The following RALYL variants were observed in gnomAD, a reference collection of about 807,000 sequenced individuals.
RALYL encodes RNA-binding Raly-like protein.
Under a neutral mutation model 35.1 loss-of-function variants are expected in RALYL, and 29 were observed. The observed-to-expected ratio is 0.83, with a 90% CI of 0.61 to 1.13. The LOEUF is 1.13. RALYL is among the 50% of genes most tolerant of loss of function. The pLI is 0.00. For missense variants in RALYL, 359 were observed against 360.4 expected (o/e 1.00, Z 0.03); for synonymous variants, 120 against 127.6 (o/e 0.94, Z 0.40).
chr8:84,685,968 C>A (rs1016865066), intron 2 of RALYL, among the ~76,000 whole-genome samples: 1 of 151,950 alleles, frequency 6.6e-6, no homozygotes, highest in African/African-American at 2.4e-5. Context: ...TATAAAACAC[C>A]CAGTGAATGG....
chr8:84,371,335 G>A (rs976286048), intron 1 of RALYL, among the ~76,000 whole-genome samples: 4 of 151,984 alleles, frequency 2.6e-5, no homozygotes, highest in South Asian at 2.1e-4. Context: ...AACGTATTTC[G>A]TGATGCACGG....
intron 2 of RALYL, among the ~76,000 whole-genome samples, chr8:84,588,622 C>A (rs903210496): frequency 6.6e-6 from 1 of 152,096 alleles, no homozygotes; most frequent in African/African-American, 2.4e-5. Context: ...AGAATTAGTA[C>A]ATAAGACTTT....
chr8:84,682,449 G>A (rs1393312498), intron 2 of RALYL, among the ~76,000 whole-genome samples: 1 of 152,080 alleles, frequency 6.6e-6, no homozygotes, highest in Non-Finnish European at 1.5e-5. Flanking sequence ...GGTAGAATTC[G>A]GCTGCGAATC....
chr8:84,211,475 A>G (rs1819476438), intron 1 of RALYL, among the ~76,000 whole-genome samples: 1 of 152,166 alleles, frequency 6.6e-6, no homozygotes, highest in African/African-American at 2.4e-5. Context: ...TAATGTAATT[A>G]GATCCAGCAC....
chr8:84,371,495 A>G (rs764739152), intron 1 of RALYL, among the ~76,000 whole-genome samples: 2 of 151,446 alleles, frequency 1.3e-5, no homozygotes, highest in Non-Finnish European at 2.9e-5. Context: ...TGTTTAACCT[A>G]TGGAGCACAA....
chr8:84,533,201 A>G (rs1366918403), intron 2 of RALYL, among the ~76,000 whole-genome samples: 1 of 152,116 alleles, frequency 6.6e-6, no homozygotes, highest in Non-Finnish European at 1.5e-5. Context: ...TCCTCTTAAT[A>G]TTTAATTGAG....
intron 1 of RALYL, among the ~76,000 whole-genome samples, chr8:84,463,946 T>C (rs534968160): frequency 6.6e-6 from 1 of 152,118 alleles, no homozygotes; most frequent in Non-Finnish European, 1.5e-5. Context: ...CCCTATAGTT[T>C]CGCCTTTTCT....
intron 1 of RALYL, among the ~76,000 whole-genome samples, chr8:84,300,450 A>C (rs977660001): frequency 2.6e-5 from 4 of 152,036 alleles, no homozygotes; most frequent in African/African-American, 9.7e-5. Context: ...GATTTCTGTT[A>C]GGTCCATTTG....
At chr8:84,639,729 G>A (rs186525924) in intron 2 of RALYL, among the ~76,000 whole-genome samples, 8 of 152,006 alleles carry the variant, frequency 5.3e-5, no homozygotes, top group African/African-American at 1.9e-4. Context: ...CATACACCTT[G>A]GTGGAATCCT....
At chr8:84,789,400 T>A (rs765658823) in intron 3 of RALYL, among the ~76,000 whole-genome samples, 1 of 152,242 alleles carries the variant, frequency 6.6e-6, no homozygotes, top group Non-Finnish European at 1.5e-5. Context: ...AAGACACTTA[T>A]GATACTGTGA....
intron 1 of RALYL, among the ~76,000 whole-genome samples, chr8:84,276,417 C>T (rs1427168084): frequency 6.6e-6 from 1 of 152,152 alleles, no homozygotes; most frequent in African/African-American, 2.4e-5. Flanking sequence ...TTCCAGTAAT[C>T]TTTATTATTT....
intron 1 of RALYL, among the ~76,000 whole-genome samples, chr8:84,513,862 G>A (rs529472171): frequency 2.8e-4 from 43 of 151,984 alleles, no homozygotes; most frequent in African/African-American, 2.4e-4. Flanking sequence ...TTGGGAGGCC[G>A]AGGCAGGTGG....
intron 2 of RALYL, among the ~76,000 whole-genome samples, chr8:84,672,233 G>T (rs1833405919): frequency 6.6e-6 from 1 of 152,118 alleles, no homozygotes; most frequent in Non-Finnish European, 1.5e-5. Flanking sequence ...TTCCCAACAA[G>T]TTCCTCATCT....
intron 1 of RALYL, among the ~76,000 whole-genome samples, chr8:84,490,070 C>G (rs2055092996): frequency 7.2e-6 from 1 of 138,164 alleles, no homozygotes; most frequent in Non-Finnish European, 1.6e-5. Flanking sequence ...AGTCAGAGTG[C>G]TTGCGTGCAT....
At chr8:84,744,314 T>C (rs939924572) in intron 2 of RALYL, among the ~76,000 whole-genome samples, 3 of 151,950 alleles carry the variant, frequency 2.0e-5, no homozygotes, top group Non-Finnish European at 4.4e-5. Context: ...CTGAGATAGG[T>C]ACAGGGAAGC....
chr8:84,632,583 C>CTGTG (rs112708469), intron 2 of RALYL, among the ~76,000 whole-genome samples: 26,316 of 145,026 alleles, frequency 0.18, 2,422 homozygotes, highest in Non-Finnish European at 0.22. Flanking sequence ...TTATATAGAC[C>CTGTG]TGTGTGTGTG....
intron 4 of RALYL, among the ~76,000 whole-genome samples, chr8:84,806,895 T>C (rs1318872249): frequency 6.6e-6 from 1 of 151,984 alleles, no homozygotes; most frequent in Non-Finnish European, 1.5e-5. Context: ...CCTCTAGTCC[T>C]AGCCACCTGG....
chr8:84,188,474 G>A (rs1191433697), intron 1 of RALYL, among the ~76,000 whole-genome samples: 1 of 152,036 alleles, frequency 6.6e-6, no homozygotes, highest in Non-Finnish European at 1.5e-5. Context: ...ACGAATGCTT[G>A]TAAAGATGCC....
chr8:84,833,653 A>AT, intron 4 of RALYL, among the ~76,000 whole-genome samples: 2 of 151,726 alleles, frequency 1.3e-5, no homozygotes. Context: ...AAAAAAAAAA[A>AT]AAAAAGAAAG....
Sources: allele counts gnomAD v4.1 joint callset (sites outside exome capture counted in the v4.1 genomes callset), GRCh38; gene constraint gnomAD v4.1.1; transcripts MANE v1.5; gene names NCBI Gene and HGNC (gene_info 2026-07-23, HGNC 2026-07-21).